The following SLC1A1 variants were observed in gnomAD, a reference collection of about 807,000 sequenced individuals.
The protein encoded by SLC1A1 is excitatory amino acid transporter 3.
A neutral mutation model predicts 53.3 loss-of-function variants in SLC1A1; 43 were observed. That is an observed-to-expected ratio of 0.81 (90% CI 0.63 to 1.04). The LOEUF (loss-of-function observed/expected upper bound fraction) is 1.04, where lower values mean the gene tolerates loss of function less well. SLC1A1 is among the 50% of genes least tolerant of loss of function. SLC1A1 has a pLI of 0.00. For synonymous variants in SLC1A1, 307 were observed against 243.2 expected, an observed-to-expected ratio of 1.26 and a Z score of -2.44; for missense variants, 748 against 664.9, an observed-to-expected ratio of 1.12 and a Z score of -1.37.
intron 5 of SLC1A1, 32 bp from the exon 6 acceptor site, chr9:4,567,637 T>G: frequency 6.8e-7 from 1 of 1,471,020 alleles, no homozygotes; most frequent in Non-Finnish European, 9.5e-7. Context: ...TCTTTTTTTG[T>G]TTGCTTGTCC....
chr9:4,581,624 C>A (rs560970997), intron 10 of SLC1A1, among the ~76,000 whole-genome samples: 1 of 152,234 alleles, frequency 6.6e-6, no homozygotes, highest in African/African-American at 2.4e-5. Context: ...TGATGCATTC[C>A]ATTTAAATTT....
chr9:4,583,911 CATATGGAAT>C lies in SLC1A1; in HGVS notation c.1328+741_1328+749del. On this transcript the variant is annotated intron_variant, in intron 11 of 11. Coordinates refer to ENST00000262352, the MANE Select transcript of SLC1A1 (RefSeq NM_004170.6). The surrounding 1 kb of genome is among the most constrained non-coding windows in gnomAD (Gnocchi z 4.6). ...ACACACACACACACACACACACACA[CATATGGAAT>C]ACAGCAGAACATCTGGGTGAGAAAG... 8.5e-6 allele frequency among the ~76,000 whole-genome samples: 1 copy of C among 118,210 alleles called. No individual in the cohort carries two copies. Among genetic ancestry groups the C allele is most frequent in the South Asian group, 2.6e-4 (1 of 3,826 alleles). The allele number at this position is 118,210 out of a possible 152,430, so 77.6% of individuals were successfully genotyped here.
chr9:4,490,918 G>A (rs1046715783), intron 1 of SLC1A1, 148 bp downstream of exon 1: 5 of 660,210 alleles, frequency 7.6e-6, no homozygotes, highest in Admixed American at 2.8e-5. Flanking sequence ...CCCCCTGCGG[G>A]GGCTTTCCCC....
intron 7 of SLC1A1, among the ~76,000 whole-genome samples, 194 bp from the exon 8 acceptor site, chr9:4,573,713 C>T (rs978114636): frequency 1.3e-5 from 2 of 152,120 alleles, no homozygotes; most frequent in African/African-American, 4.8e-5. Context: ...AAGGTGCACA[C>T]AGGTACTAAA....
chr9:4,518,273 AC>A lies in SLC1A1; in HGVS notation c.92-26293del, dbSNP rs1157723932. Among the ~76,000 whole-genome samples the A allele has an allele frequency of 2.4e-4, 35 of 144,388 alleles. No homozygotes were observed. In the Middle Eastern group the frequency reaches 0.014, roughly 59 times the overall value. 94.7% of individuals were successfully genotyped at this position (144,388 alleles called of 152,430 possible). A position where few individuals can be genotyped will look rare whatever the true frequency, so the allele number is the denominator to read the frequency against. On this transcript the variant is annotated intron_variant, in intron 1 of 11. Coordinates refer to ENST00000262352, the MANE Select transcript of SLC1A1 (RefSeq NM_004170.6). ...AAAAAAAAAAAAGAATGAAGTCCTTACTTTTTTTTTGATTTTAGGACAGATG... is the reference window on the plus strand; with the variant it reads ...AAAAAAAAAAAAGAATGAAGTCCTTATTTTTTTTTGATTTTAGGACAGATG...
At chr9:4,564,282 C>A in intron 3 of SLC1A1, 62 bp from the exon 4 acceptor site, 2 of 1,109,618 alleles carry the variant, frequency 1.8e-6, no homozygotes, top group South Asian at 1.3e-5. Context: ...TCTAAAGGTG[C>A]CAGCTGTGCC....
intron 1 of SLC1A1, among the ~76,000 whole-genome samples, chr9:4,535,267 G>A (rs1816631611): frequency 6.6e-6 from 1 of 152,260 alleles, no homozygotes; most frequent in Admixed American, 6.5e-5. Flanking sequence ...AAGTCAAATT[G>A]TCCCTGTTTG....
chr9:4,544,950 A>G (rs556666745), intron 2 of SLC1A1, among the ~76,000 whole-genome samples: 2 of 152,322 alleles, frequency 1.3e-5, no homozygotes, highest in South Asian at 2.1e-4. Context: ...TTATAAAACC[A>G]TAAGATCTCG....
At chr9:4,582,249 G>A (rs980344773) in intron 10 of SLC1A1, among the ~76,000 whole-genome samples, 11 of 152,152 alleles carry the variant, frequency 7.2e-5, no homozygotes, top group African/African-American at 1.2e-4. Context: ...TTACCAAGAG[G>A]GATCTTTTTA....
At chr9:4,567,827 C>A in intron 6 of SLC1A1, 60 bp downstream of exon 6, 1 of 1,011,238 alleles carries the variant, frequency 9.9e-7, no homozygotes, top group Non-Finnish European at 1.6e-6. Context: ...CATGACTGAG[C>A]AGGAAATACA....
chr9:4,554,388 C>T (rs897510230), intron 2 of SLC1A1: 2 of 152,172 alleles, frequency 1.3e-5, no homozygotes, highest in Non-Finnish European at 2.9e-5. Context: ...GAGCTTAAAA[C>T]CTAGCAAGAA....
Position 4,585,669 on chromosome 9 carries a change from G to A in SLC1A1, c.*111G>A. 7.6e-7 allele frequency: 1 copy of A among 1,318,798 alleles called. No homozygotes were observed. The highest frequency in any genetic ancestry group is 1.1e-6 in the Non-Finnish European group (1 of 922,170). 81.7% of individuals were successfully genotyped at this position (1,318,798 alleles called of 1,614,324 possible). On this transcript the variant is annotated 3_prime_UTR_variant, in exon 12 of 12. Transcript: ENST00000262352. ...TAATGGCCAAGTGTACATTTGATTTGATATACAGACCTCCAGATTATTTTC... is the reference window on the plus strand; with the variant it reads ...TAATGGCCAAGTGTACATTTGATTTAATATACAGACCTCCAGATTATTTTC...
chr9:4,530,411 G>A (rs138517253), intron 1 of SLC1A1, among the ~76,000 whole-genome samples: 27 of 152,318 alleles, frequency 1.8e-4, no homozygotes, highest in African/African-American at 5.5e-4. Flanking sequence ...CAAGATCCAA[G>A]CGTCCTGGGA....
intron 1 of SLC1A1, among the ~76,000 whole-genome samples, chr9:4,517,890 T>C (rs956439187): frequency 6.6e-6 from 1 of 152,092 alleles, no homozygotes; most frequent in Non-Finnish European, 1.5e-5. Flanking sequence ...CAGTCTTTGA[T>C]GTCAACTGAA....
At chr9:4,510,424 C>T (rs115800301) in intron 1 of SLC1A1, among the ~76,000 whole-genome samples, 76 of 152,308 alleles carry the variant, frequency 5.0e-4, no homozygotes, top group African/African-American at 1.7e-3. Flanking sequence ...TTGTAAGCAA[C>T]AGAAAATCCA....
At chr9:4,516,089 G>T (rs186435660) in intron 1 of SLC1A1, among the ~76,000 whole-genome samples, 118 of 152,290 alleles carry the variant, frequency 7.7e-4, no homozygotes, top group Admixed American at 3.1e-3. Flanking sequence ...GAGCTTTCCT[G>T]ATTCCTCTTT....
At position 4,556,210 on chromosome 9, in the gene SLC1A1, G is replaced by C. The variant is rs572792850; in HGVS notation, c.233-5239G>C. 7.2e-5 allele frequency among the ~76,000 whole-genome samples: 11 copies of C among 152,076 alleles called. 2 individuals are homozygous for C. The highest frequency in any genetic ancestry group is 2.7e-4 in the African/African-American group (11 of 41,484). ...TTTTTTGTTTTTTTAAGTAGAGATG[G>C]GGTTTCACCATGTTGGCCAGGCTGG... On this transcript the variant is annotated intron_variant, in intron 2 of 11. Coordinates refer to ENST00000262352, the MANE Select transcript of SLC1A1 (RefSeq NM_004170.6). The surrounding 1 kb of genome is among the most constrained non-coding windows in gnomAD (Gnocchi z 4.1).
At position 4,493,423 on chromosome 9, in the gene SLC1A1, C is replaced by T. The variant is rs891426977; in HGVS notation, c.91+2653C>T. On this transcript the variant is annotated intron_variant, in intron 1 of 11. Transcript: ENST00000262352. ...AGTGGCACTGAGTCTATTCATAAAC[C>T]CTTGCTAGATAATGATAGTAAGAGC... Among the ~76,000 whole-genome samples, 84 of 152,194 alleles carry T rather than the reference C, an allele frequency of 5.5e-4. 1 individual carries two copies. The highest frequency in any genetic ancestry group is 1.9e-3 in the African/African-American group (78 of 41,506).
At chr9:4,512,302 C>A (rs1332786163) in intron 1 of SLC1A1, among the ~76,000 whole-genome samples, 1 of 152,064 alleles carries the variant, frequency 6.6e-6, no homozygotes, top group African/African-American at 2.4e-5. Context: ...TGCTTGAGCT[C>A]AGGAATTGAA....
Sources: gnomAD v4.1 joint callset for allele counts (sites outside exome capture counted in the v4.1 genomes callset) on GRCh38, gnomAD v4.1.1 for gene constraint, Gnocchi (gnomAD v3.1) non-coding constraint, MANE v1.5 for transcripts, NCBI Gene and HGNC (gene_info 2026-07-23, HGNC 2026-07-21) for gene names.